Variants in NAV3 observed in about 807,000 individuals in gnomAD.
The protein encoded by NAV3 is neuron navigator 3.
In NAV3, 87 loss-of-function variants were observed where a neutral mutation model predicts 244.7. The ratio of observed to expected loss-of-function variants is 0.36; its 90% CI spans 0.30 to 0.42. NAV3 has a LOEUF of 0.42. NAV3 is among the 20% of genes least tolerant of loss of function. The pLI is 1.00. For missense variants in NAV3, 2,663 were observed against 2,893.3 expected (o/e 0.92, Z 1.83); for synonymous variants, 1,126 against 1,042.2 (o/e 1.08, Z -1.55).
At position 77,704,735 on chromosome 12, in the gene NAV3, T is replaced by C. The variant is rs542826041; in HGVS notation, c.72+132469T>C. Among the ~76,000 whole-genome samples the C allele has an allele frequency of 5.3e-5, 8 of 152,282 alleles. No homozygotes were observed. The South Asian group carries it at 6.2e-4, about 12-fold the overall frequency. ...AGTAAATTAGAGTGGTTAAAAGATATGTTACAAAACATAATCTAAGTAGAT... is the reference window on the plus strand; with the variant it reads ...AGTAAATTAGAGTGGTTAAAAGATACGTTACAAAACATAATCTAAGTAGAT... On this transcript the variant is annotated intron_variant, in intron 2 of 8. Coordinates refer to the NAV3 transcript ENST00000550042.
At chr12:78,184,298 G>C (rs374846249) in intron 30 of NAV3, among the ~76,000 whole-genome samples, 59 of 151,906 alleles carry the variant, frequency 3.9e-4, no homozygotes, top group African/African-American at 1.3e-3. Context: ...AAAGTAATTT[G>C]ATCACAAACT....
At chr12:77,663,290 A>G (rs959606321) in intron 2 of NAV3, among the ~76,000 whole-genome samples, 23 of 152,208 alleles carry the variant, frequency 1.5e-4, no homozygotes, top group Non-Finnish European at 4.4e-5. Context: ...TCTGACTACT[A>G]TGTGAGGTAT....
At chr12:78,122,983 T>C (rs1054704499) in intron 16 of NAV3, among the ~76,000 whole-genome samples, 7 of 151,904 alleles carry the variant, frequency 4.6e-5, no homozygotes, top group African/African-American at 1.5e-4. Flanking sequence ...CCATTTTCAA[T>C]AGACTGCTTA....
In NAV3 at chr12:77,999,183, G is replaced by A. The variant is rs1300928477; in HGVS notation, c.880+707G>A. ...GCAGAGAGGACGGGGATGAGTATGT[G>A]TAGTTTACACCTCAATCATGAGGAA... is the stretch of plus-strand genomic sequence containing the variant. On this transcript the variant is annotated intron_variant, in intron 7 of 39. Coordinates refer to ENST00000397909, the MANE Select transcript of NAV3 (RefSeq NM_001024383.2). Among the ~76,000 whole-genome samples the A allele has an allele frequency of 2.0e-5, 3 of 152,210 alleles. No homozygotes were observed. The East Asian group carries it at 5.8e-4, about 29-fold the overall frequency.
At chr12:77,904,602 C>A (rs1473154088) in intron 1 of NAV3, among the ~76,000 whole-genome samples, 1 of 152,034 alleles carries the variant, frequency 6.6e-6, no homozygotes, top group Non-Finnish European at 1.5e-5. Context: ...ATGTAACAAA[C>A]CTGCACGTTG....
Position 77,624,925 on chromosome 12 carries a change from A to G in NAV3, c.72+52659A>G, listed in dbSNP as rs114393192. On this transcript the variant is annotated intron_variant, in intron 2 of 8. Transcript: ENST00000550042. ...AGTAAAAAAGTCAACACATACAGTG[A>G]GGTTTAAAAATATGTATTTAGCTAA... 4.8e-3 allele frequency among the ~76,000 whole-genome samples: 725 copies of G among 152,276 alleles called. 9 individuals are homozygous for G. The highest frequency in any genetic ancestry group is 0.017 in the African/African-American group (688 of 41,562).
chr12:77,807,968 G>A (rs1043612608), intron 2 of NAV3, among the ~76,000 whole-genome samples: 4 of 152,000 alleles, frequency 2.6e-5, no homozygotes, highest in Non-Finnish European at 5.9e-5. Flanking sequence ...GATGGATTCA[G>A]CTATTGATAC....
intron 2 of NAV3, among the ~76,000 whole-genome samples, chr12:77,642,051 A>T (rs1461737304): frequency 6.6e-6 from 1 of 152,044 alleles, no homozygotes; most frequent in Non-Finnish European, 1.5e-5. Flanking sequence ...TTAGTGTTGG[A>T]TTTCTTCAGA....
chr12:77,778,479 G>A (rs1870494857), intron 2 of NAV3, among the ~76,000 whole-genome samples: 1 of 151,650 alleles, frequency 6.6e-6, no homozygotes, highest in South Asian at 2.1e-4. Context: ...AGGCATGGTG[G>A]CGGGTGCCTG....
chr12:78,012,077 G>A (rs187237849), intron 8 of NAV3, among the ~76,000 whole-genome samples: 1 of 152,274 alleles, frequency 6.6e-6, no homozygotes, highest in Admixed American at 6.5e-5. Flanking sequence ...TGAGATTTGT[G>A]TAGGGACACA....
chr12:78,131,252 G>A (rs1045636717), intron 18 of NAV3, among the ~76,000 whole-genome samples: 15 of 152,122 alleles, frequency 9.9e-5, no homozygotes, highest in Admixed American at 9.2e-4. Context: ...AGGGCTTTTA[G>A]CAATTGAAAA....
At chr12:77,811,760 A>C (rs1182736213) in intron 2 of NAV3, among the ~76,000 whole-genome samples, 1 of 152,234 alleles carries the variant, frequency 6.6e-6, no homozygotes, top group Admixed American at 6.5e-5. Flanking sequence ...AAGGGAAAGA[A>C]GTGGATAGGT....
intron 1 of NAV3, among the ~76,000 whole-genome samples, chr12:77,904,610 T>A (rs558428699): frequency 2.3e-3 from 350 of 152,246 alleles, no homozygotes; most frequent in African/African-American, 7.7e-3. Flanking sequence ...AACCTGCACG[T>A]TGTGCACATG....
chr12:77,777,814 CTTTTTTT>C (rs1013769596), intron 2 of NAV3, among the ~76,000 whole-genome samples: 1 of 132,472 alleles, frequency 7.5e-6, no homozygotes, highest in African/African-American at 2.6e-5. Context: ...TTTCTTTTTT[CTTTTTTT>C]TTTGAGACGG....
At chr12:77,675,099 C>A (rs1234154231) in intron 2 of NAV3, among the ~76,000 whole-genome samples, 1 of 152,116 alleles carries the variant, frequency 6.6e-6, no homozygotes, top group Non-Finnish European at 1.5e-5. Flanking sequence ...TTGAGGTACA[C>A]AGGGCTTATT....
chr12:78,136,843 G>A (rs1016775975), intron 18 of NAV3, among the ~76,000 whole-genome samples: 14 of 152,080 alleles, frequency 9.2e-5, no homozygotes, highest in East Asian at 1.9e-4. Context: ...AGAGAAAACC[G>A]AAAACTCTAG....
chr12:78,022,752 T>G (rs1053855739), intron 9 of NAV3, among the ~76,000 whole-genome samples: 2 of 152,150 alleles, frequency 1.3e-5, no homozygotes, highest in Non-Finnish European at 2.9e-5. Flanking sequence ...GTTAAGAAAC[T>G]TCCCCACTTC....
At chr12:77,895,725 T>A (rs2136826225) in intron 1 of NAV3, among the ~76,000 whole-genome samples, 1 of 146,126 alleles carries the variant, frequency 6.8e-6, no homozygotes, top group Middle Eastern at 3.5e-3. Flanking sequence ...CTACCACATA[T>A]ATGTACCCTC....
intron 34 of NAV3, among the ~76,000 whole-genome samples, chr12:78,194,183 T>A (rs150811726): frequency 1.1e-4 from 17 of 152,024 alleles, no homozygotes; most frequent in Non-Finnish European, 2.4e-4. Flanking sequence ...CCTACACATA[T>A]GTTTCTATTC....
Sources: allele counts gnomAD v4.1 joint callset (sites outside exome capture counted in the v4.1 genomes callset), GRCh38; gene constraint gnomAD v4.1.1; transcripts MANE v1.5; gene names NCBI Gene and HGNC (gene_info 2026-07-23, HGNC 2026-07-21).